Variants in CCDC171 observed in about 807,000 individuals in gnomAD.
CCDC171 encodes the protein coiled-coil domain containing 171, also known as coiled-coil domain-containing protein 171.
Under a neutral mutation model 168.2 loss-of-function variants are expected in CCDC171, and 177 were observed. The ratio of observed to expected loss-of-function variants is 1.05; its 90% CI spans 0.93 to 1.19. The LOEUF is 1.19. Ranked by LOEUF, CCDC171 falls within the 50% of genes most tolerant of loss-of-function variation. The pLI is 0.00. For synonymous variants in CCDC171, 687 were observed against 540.8 expected (o/e 1.27, Z -3.75); for missense variants, 1,991 against 1,539.0 (o/e 1.29, Z -4.91).
At chr9:15,565,146 T>C (rs567680359) in intron 2 of CCDC171, among the ~76,000 whole-genome samples, 31 of 148,446 alleles carry the variant, frequency 2.1e-4, no homozygotes, top group African/African-American at 7.7e-4. Context: ...TGGAGTGCAG[T>C]GGCATGATCT....
chr9:15,920,218 T>C (rs577717466), intron 24 of CCDC171, 52 bp from the exon 25 acceptor site: 67 of 1,179,694 alleles, frequency 5.7e-5, no homozygotes, highest in Middle Eastern at 4.1e-4. Context: ...GAAATTCTCC[T>C]TTGGGGACAT....
chr9:15,909,905 G>A (rs1055767991), intron 24 of CCDC171, among the ~76,000 whole-genome samples: 1 of 152,014 alleles, frequency 6.6e-6, no homozygotes, highest in Non-Finnish European at 1.5e-5. Context: ...GGTGAAGTCT[G>A]CTCTTTTAGT....
chr9:15,950,218 G>T (rs1398041846), intron 25 of CCDC171, among the ~76,000 whole-genome samples: 2 of 148,886 alleles, frequency 1.3e-5, no homozygotes, highest in African/African-American at 2.4e-5. Context: ...TCATCCAGGA[G>T]AACTTCCCCA....
chr9:15,994,819 A>G (rs983344946), intron 3 of CCDC171, among the ~76,000 whole-genome samples: 4 of 152,192 alleles, frequency 2.6e-5, no homozygotes, highest in African/African-American at 9.6e-5. Context: ...CTGGAGCCTC[A>G]TTATCTATTT....
the CCDC171 span, among the ~76,000 whole-genome samples, chr9:16,096,464 G>C: frequency 6.6e-6 from 1 of 152,240 alleles, no homozygotes; most frequent in East Asian, 1.9e-4. Context: ...TGCTATGTTC[G>C]TGAGTTAAAA....
chr9:15,597,535 G>C (rs1363517558), intron 6 of CCDC171, among the ~76,000 whole-genome samples: 1 of 152,172 alleles, frequency 6.6e-6, no homozygotes, highest in Admixed American at 6.6e-5. Context: ...TGTGCTGCTG[G>C]ATTCAGTTTG....
intron 10 of CCDC171, among the ~76,000 whole-genome samples, 184 bp downstream of exon 10, chr9:15,679,080 C>T (rs2049853526): frequency 6.6e-6 from 1 of 151,922 alleles, no homozygotes; most frequent in Admixed American, 6.6e-5. Flanking sequence ...TGAAACCTCT[C>T]TGATTTGGAA....
chr9:16,088,128 A>T, the CCDC171 span, among the ~76,000 whole-genome samples: 3 of 152,316 alleles, frequency 2.0e-5, no homozygotes, highest in South Asian at 6.2e-4. Flanking sequence ...AAACCACATG[A>T]TTATCTCAAT....
chr9:16,036,504 C>T (rs988970710), intron 8 of CCDC171, among the ~76,000 whole-genome samples: 5 of 152,126 alleles, frequency 3.3e-5, no homozygotes, highest in Non-Finnish European at 1.5e-5. Flanking sequence ...ATTAGCTGGG[C>T]GTGGTGGCAG....
At chr9:15,987,236 A>G (rs1832019136) in intron 3 of CCDC171, among the ~76,000 whole-genome samples, 1 of 152,180 alleles carries the variant, frequency 6.6e-6, no homozygotes, top group South Asian at 2.1e-4. Context: ...ACACACATAT[A>G]AGAAAATGAA....
chr9:15,975,083 A>G (rs1275683440), downstream of CCDC171, among the ~76,000 whole-genome samples: 2 of 152,132 alleles, frequency 1.3e-5, no homozygotes, highest in African/African-American at 2.4e-5. Context: ...CACTTTTTAT[A>G]GACAAGTTTT....
At chr9:16,099,175 A>G in the CCDC171 span, among the ~76,000 whole-genome samples, 1 of 152,268 alleles carries the variant, frequency 6.6e-6, no homozygotes, top group South Asian at 2.1e-4. Context: ...TTTTTTGCTA[A>G]TTCTTGGAGA....
intron 20 of CCDC171, 76 bp downstream of exon 20, chr9:15,779,226 C>G (rs1490882179): frequency 7.2e-6 from 6 of 835,132 alleles, no homozygotes. Context: ...TTTTCCTTAA[C>G]TTTTGTTATG....
chr9:15,899,205 A>G (rs1310165655), intron 24 of CCDC171, among the ~76,000 whole-genome samples: 2 of 151,880 alleles, frequency 1.3e-5, no homozygotes, highest in Non-Finnish European at 2.9e-5. Context: ...TTTTCGTGGT[A>G]TGGATGTATC....
intron 3 of CCDC171, among the ~76,000 whole-genome samples, chr9:16,014,655 A>T (rs1207684996): frequency 6.6e-6 from 1 of 152,186 alleles, no homozygotes; most frequent in African/African-American, 2.4e-5. Flanking sequence ...CAGAATGGAC[A>T]TTGTGTTTGC....
At chr9:15,728,525 A>G (rs1157465949) in intron 15 of CCDC171, among the ~76,000 whole-genome samples, 1 of 152,182 alleles carries the variant, frequency 6.6e-6, no homozygotes, top group African/African-American at 2.4e-5. Flanking sequence ...TCGAAATACA[A>G]CAAAATGTAT....
chr9:15,644,599 C>T (rs938082648), intron 7 of CCDC171, among the ~76,000 whole-genome samples: 17 of 152,198 alleles, frequency 1.1e-4, no homozygotes, highest in Non-Finnish European at 2.2e-4. Context: ...GATTATATCC[C>T]GCACCTGGCT....
rs769797952 is a variant in CCDC171 at position 15,723,761 on chromosome 9, A to AAT, written c.1491+16_1491+17insTA. ...AAAATATAAAGGTATTATTTAGAAT[A>AAT]ACTTTTACCTTTTGTATTAAGAAAC... On this transcript the variant is annotated intron_variant, in intron 13 of 25. Coordinates refer to ENST00000380701, the MANE Select transcript of CCDC171 (RefSeq NM_173550.4). The AAT allele has an allele frequency of 7.9e-7, 1 of 1,270,346 alleles. No homozygotes were observed. The highest frequency in any genetic ancestry group is 2.0e-5 in the Admixed American group (1 of 49,212). 78.7% of individuals were successfully genotyped at this position (1,270,346 alleles called of 1,614,324 possible). A position where few individuals can be genotyped will look rare whatever the true frequency, so the allele number is the denominator to read the frequency against.
At chr9:16,093,672 G>A in the CCDC171 span, among the ~76,000 whole-genome samples, 135 of 152,278 alleles carry the variant, frequency 8.9e-4, 1 homozygote, top group African/African-American at 3.1e-3. Flanking sequence ...GGGTATGTGT[G>A]ATAACTTAAG....
Sources: allele counts gnomAD v4.1 joint callset (sites outside exome capture counted in the v4.1 genomes callset), GRCh38; gene constraint gnomAD v4.1.1; transcripts MANE v1.5; gene names NCBI Gene and HGNC (gene_info 2026-07-23, HGNC 2026-07-21).